CAB39: variants seen among roughly 807,000 people sequenced by gnomAD.
CAB39 encodes calcium-binding protein 39.
In CAB39, 8 loss-of-function variants were observed where a neutral mutation model predicts 40.0. That is an observed-to-expected ratio of 0.20 (90% CI 0.12 to 0.36). The LOEUF is 0.36. Ranked by LOEUF, CAB39 falls within the 10% of genes least tolerant of loss-of-function variation. CAB39 has a pLI of 1.00. For synonymous variants in CAB39, 156 were observed against 141.6 expected (o/e 1.10, Z -0.72); for missense variants, 270 against 401.1 (o/e 0.67, Z 2.79).
chr2:230,742,775 G>A (rs992380168), intron 1 of CAB39, among the ~76,000 whole-genome samples: 1 of 152,096 alleles, frequency 6.6e-6, no homozygotes, highest in Non-Finnish European at 1.5e-5. Context: ...GGAAAGAAGA[G>A]GAAGGCAAGA....
chr2:230,769,122 A>G (rs1695439560), intron 2 of CAB39, among the ~76,000 whole-genome samples: 1 of 152,270 alleles, frequency 6.6e-6, no homozygotes, highest in South Asian at 2.1e-4. Context: ...ATAGCAGACA[A>G]AATAGACTTC....
At chr2:230,803,040 CAA>C (rs1295972536) in intron 5 of CAB39, among the ~76,000 whole-genome samples, 1 of 152,132 alleles carries the variant, frequency 6.6e-6, no homozygotes, top group Non-Finnish European at 1.5e-5. Context: ...AGCAGCACAT[CAA>C]AAAGAGTATC....
intron 1 of CAB39, among the ~76,000 whole-genome samples, chr2:230,756,219 A>C (rs1046489154): frequency 2.6e-5 from 4 of 152,240 alleles, no homozygotes; most frequent in Non-Finnish European, 5.9e-5. Flanking sequence ...AACATCATAG[A>C]GTGTACAGTA....
intron 2 of CAB39, among the ~76,000 whole-genome samples, chr2:230,777,509 T>C (rs1695615758): frequency 6.6e-6 from 1 of 151,990 alleles, no homozygotes; most frequent in Admixed American, 6.6e-5. Context: ...AACTTCTGCC[T>C]CCCAGGTTCA....
intron 5 of CAB39, among the ~76,000 whole-genome samples, chr2:230,799,914 C>A (rs1288541848): frequency 6.6e-6 from 1 of 151,762 alleles, no homozygotes; most frequent in Admixed American, 6.6e-5. Flanking sequence ...CGCTTGAACC[C>A]AGGAGACGGA....
chr2:230,762,399 T>G lies in CAB39; in HGVS notation c.114+2284T>G, dbSNP rs186639235. Among the ~76,000 whole-genome samples, 255 of 152,318 alleles carry G rather than the reference T, an allele frequency of 1.7e-3. 2 individuals carry two copies. Among genetic ancestry groups the G allele is most frequent in the African/African-American group, 5.9e-3 (246 of 41,562 alleles). ...GTAATAGCACATAACTTGACCTCCC[T>G]CTCACAGTTGGACATCTTCAACTTT... On this transcript the variant is annotated intron_variant, in intron 2 of 8. Coordinates refer to ENST00000258418, the MANE Select transcript of CAB39 (RefSeq NM_016289.4).
At chr2:230,732,205 C>T (rs1252406963) in intron 1 of CAB39, among the ~76,000 whole-genome samples, 1 of 152,120 alleles carries the variant, frequency 6.6e-6, no homozygotes, top group Admixed American at 6.5e-5. Context: ...CCTCAGCCTC[C>T]CAAGTAGCTG....
chr2:230,803,113 A>G lies in CAB39; in HGVS notation c.567+4216A>G, dbSNP rs372916766. On this transcript the variant is annotated intron_variant, in intron 5 of 8. Coordinates refer to ENST00000258418, the MANE Select transcript of CAB39 (RefSeq NM_016289.4). Reference sequence around the variant, plus strand: ...ATGCTGGTTCAACATACGAAAATCAATAAACATAATCCGTCACATAAACAG... The same window carrying G: ...ATGCTGGTTCAACATACGAAAATCAGTAAACATAATCCGTCACATAAACAG... Among the ~76,000 whole-genome samples the G allele has an allele frequency of 5.9e-5, 9 of 152,354 alleles. No individual in the cohort carries two copies. In the East Asian group the frequency reaches 7.7e-4, roughly 13 times the overall value.
intron 5 of CAB39, among the ~76,000 whole-genome samples, chr2:230,802,703 A>G (rs540344736): frequency 6.6e-6 from 1 of 152,308 alleles, no homozygotes; most frequent in South Asian, 2.1e-4. Flanking sequence ...CCAAGACTAA[A>G]CCAGGAAGAA....
At chr2:230,791,701 C>T (rs1192291539) in intron 3 of CAB39, among the ~76,000 whole-genome samples, 1 of 152,220 alleles carries the variant, frequency 6.6e-6, no homozygotes, top group Non-Finnish European at 1.5e-5. Flanking sequence ...GCACAGCTTG[C>T]TCCTCCTGTC....
intron 1 of CAB39, among the ~76,000 whole-genome samples, chr2:230,753,277 G>C (rs1695121326): frequency 6.6e-6 from 1 of 152,070 alleles, no homozygotes; most frequent in Non-Finnish European, 1.5e-5. Context: ...TATGTTAACA[G>C]CCCCCCACAT....
chr2:230,731,523 A>G (rs1694688589), intron 1 of CAB39, among the ~76,000 whole-genome samples: 1 of 152,138 alleles, frequency 6.6e-6, no homozygotes, highest in Non-Finnish European at 1.5e-5. Context: ...ACTTTTTTTG[A>G]GACAAAGTCT....
Position 230,783,505 on chromosome 2 carries a change from C to T in CAB39, c.115-7367C>T, listed in dbSNP as rs577536886. On this transcript the variant is annotated intron_variant, in intron 2 of 8. Transcript: ENST00000258418. ...TTGTTTTGAGACAGGGTCTTGCTCT[C>T]GCTCTGCCATCCAGGCAGTGGATGA... Among the ~76,000 whole-genome samples the T allele has an allele frequency of 1.2e-4, 17 of 141,548 alleles. No individual in the cohort carries two copies. In the South Asian group the frequency reaches 2.7e-3, roughly 22 times the overall value. The allele number at this position is 141,548 out of a possible 152,430, so 92.9% of individuals were successfully genotyped here.
rs553001318 is a variant in CAB39, at chr2:230,760,091, C to T, written c.90C>T (p.Asp30=). 6.2e-7 allele frequency: 1 copy of T among 1,610,450 alleles called. No individual in the cohort carries two copies. The highest frequency in any genetic ancestry group is 1.7e-5 in the Admixed American group (1 of 59,976). The part of the protein sequence containing the change: ...KESMAVLEKQ[D]ISDKKAEKAT... ...GCATGGCTGTTCTGGAAAAGCAAGA[C>T]ATTTCTGATAAAAAAGCAGAAAAGG... The change falls in exon 2 of 9, where the codon GAC becomes GAT. Residue 30 remains aspartate, a synonymous_variant. Transcript: ENST00000258418.
intron 6 of CAB39, among the ~76,000 whole-genome samples, chr2:230,813,750 CAG>C (rs781366593): frequency 3.3e-5 from 5 of 151,866 alleles, no homozygotes; most frequent in Non-Finnish European, 7.4e-5. Context: ...CTTGGGGTGA[CAG>C]AGAGGCCTGG....
chr2:230,820,314 TGTTTCAGCAG>T lies in CAB39; in HGVS notation c.*1615_*1624del, dbSNP rs1696485310. On this transcript the variant is annotated 3_prime_UTR_variant, in exon 9 of 9. Transcript: ENST00000258418. ...CCAGTAAAATGGGCCTCCCAATTGC[TGTTTCAGCAG>T]GTTTTAAACCTTCAGGAACACCAGT... The T allele has an allele frequency of 6.6e-6, 1 of 152,242 alleles. No homozygotes were observed. The highest frequency in any genetic ancestry group is 2.1e-4 in the South Asian group (1 of 4,834). The allele number at this position is 152,242 out of a possible 1,614,324, so 9.4% of individuals were successfully genotyped here.
chr2:230,794,990 T>C (rs1159558065), intron 4 of CAB39, among the ~76,000 whole-genome samples: 2 of 152,196 alleles, frequency 1.3e-5, no homozygotes, highest in African/African-American at 4.8e-5. Flanking sequence ...TTAATATTAC[T>C]TCCAGGCTGG....
Position 230,786,114 on chromosome 2 carries a change from A to G in CAB39, c.115-4758A>G, listed in dbSNP as rs554821076. On this transcript the variant is annotated intron_variant, in intron 2 of 8. Coordinates refer to ENST00000258418, the MANE Select transcript of CAB39 (RefSeq NM_016289.4). Reference sequence around the variant, plus strand: ...GGGAGGTGGAACTTGCAGTGAGCCAAGATTGCGCCACTGCACTCCAGCCTG... The same window carrying G: ...GGGAGGTGGAACTTGCAGTGAGCCAGGATTGCGCCACTGCACTCCAGCCTG... Among the ~76,000 whole-genome samples the G allele has an allele frequency of 1.2e-4, 17 of 146,014 alleles. No individual in the cohort carries two copies. The South Asian group carries it at 3.9e-3, about 34-fold the overall frequency.
At chr2:230,790,499 C>T (rs1695875292) in intron 2 of CAB39, among the ~76,000 whole-genome samples, 1 of 152,194 alleles carries the variant, frequency 6.6e-6, no homozygotes, top group Non-Finnish European at 1.5e-5. Context: ...ATCCTCCATA[C>T]TTGCTTGTCA....
Sources: gnomAD v4.1 joint callset for allele counts (sites outside exome capture counted in the v4.1 genomes callset) on GRCh38, gnomAD v4.1.1 for gene constraint, MANE v1.5 for transcripts, NCBI Gene and HGNC (gene_info 2026-07-23, HGNC 2026-07-21) for gene names.